Variants in SORL1 observed in about 807,000 individuals in gnomAD.
SORL1 encodes the protein sortilin-related receptor.
Under a neutral mutation model 273.7 loss-of-function variants are expected in SORL1, and 127 were observed. That is an observed-to-expected ratio of 0.46 (90% CI 0.40 to 0.54). The LOEUF (loss-of-function observed/expected upper bound fraction) is 0.54, where lower values mean the gene tolerates loss of function less well. Ranked by LOEUF, SORL1 falls within the 20% of genes least tolerant of loss-of-function variation. The probability of loss-of-function intolerance (pLI) is 0.00; values close to 1 mark genes in which losing one functional copy is unlikely to be tolerated. For synonymous variants in SORL1, 1,031 were observed against 1,067.4 expected (o/e 0.97, Z 0.66); for missense variants, 2,494 against 2,846.1 (o/e 0.88, Z 2.81).
In SORL1 at chr11:121,497,068, A is replaced by G; in HGVS notation, c.939+19A>G. Reference sequence around the variant, plus strand: ...GGTGGTGGTAAGTTGAATGTACTAAAGAATAAACTACTTTTGAGTTTCCTT... The same window carrying G: ...GGTGGTGGTAAGTTGAATGTACTAAGGAATAAACTACTTTTGAGTTTCCTT... On this transcript the variant is annotated intron_variant, in intron 6 of 47. Transcript: ENST00000260197. The G allele has an allele frequency of 6.2e-7, 1 of 1,601,968 alleles. No homozygotes were observed. The highest frequency in any genetic ancestry group is 8.5e-7 in the Non-Finnish European group (1 of 1,173,100).
At chr11:121,484,262 C>A (rs1861438473) in intron 3 of SORL1, among the ~76,000 whole-genome samples, 1 of 152,156 alleles carries the variant, frequency 6.6e-6, no homozygotes, top group South Asian at 2.1e-4. Flanking sequence ...AGAAAGGGAA[C>A]TATTGTGGCA....
At chr11:121,534,019 A>T (rs1235276191) in intron 12 of SORL1, among the ~76,000 whole-genome samples, 1 of 152,162 alleles carries the variant, frequency 6.6e-6, no homozygotes, top group Non-Finnish European at 1.5e-5. Context: ...TTTTCATTTC[A>T]CATGTTCACC....
intron 32 of SORL1, among the ~76,000 whole-genome samples, chr11:121,600,742 G>A (rs899408939): frequency 1.3e-5 from 2 of 152,166 alleles, no homozygotes; most frequent in South Asian, 2.1e-4. Flanking sequence ...TGAGATTAGT[G>A]TGGTGCGATT....
intron 37 of SORL1, 27 bp downstream of exon 37, chr11:121,607,317 T>G: frequency 1.5e-6 from 2 of 1,320,488 alleles, no homozygotes; most frequent in Non-Finnish European, 2.2e-6. Context: ...ATTCCAGCCA[T>G]CCATGCAGTC....
chr11:121,467,999 C>T (rs761532803), intron 1 of SORL1, among the ~76,000 whole-genome samples: 1 of 152,146 alleles, frequency 6.6e-6, no homozygotes, highest in African/African-American at 2.4e-5. Context: ...CAAGTAACGT[C>T]GTTAAGGATT....
chr11:121,498,586 C>T (rs1335499477), intron 6 of SORL1, among the ~76,000 whole-genome samples: 1 of 152,002 alleles, frequency 6.6e-6, no homozygotes, highest in Non-Finnish European at 1.5e-5. Flanking sequence ...TAAGTTATAT[C>T]CCAGCTGGGC....
rs1160498742 is a variant in SORL1, at chr11:121,621,050, T to A, written c.5890-14T>A. 1 of 1,568,212 alleles carries A rather than the reference T, an allele frequency of 6.4e-7. No homozygotes were observed. Among genetic ancestry groups the A allele is most frequent in the Non-Finnish European group, 8.7e-7 (1 of 1,147,496 alleles). The stretch of plus-strand genomic sequence containing the variant: ...CTTTCTGATTATCATTCACTTGTTC[T>A]TTTTTGGTCCTAGTTGTATGCAGTT... On this transcript the variant is annotated splice_polypyrimidine_tract_variant and intron_variant, in intron 43 of 47. Transcript: ENST00000260197.
intron 7 of SORL1, 98 bp from the exon 8 acceptor site, chr11:121,514,054 G>A (rs902599293): frequency 2.0e-5 from 27 of 1,344,654 alleles, no homozygotes; most frequent in African/African-American, 1.0e-4. Context: ...AACATTCATC[G>A]CTAGAACATT....
At chr11:121,544,433 C>T (rs1029828325) in intron 13 of SORL1, among the ~76,000 whole-genome samples, 7 of 152,150 alleles carry the variant, frequency 4.6e-5, no homozygotes, top group Non-Finnish European at 7.4e-5. Flanking sequence ...GTCTGTCACT[C>T]GGTGTGTTTC....
At chr11:121,538,946 G>A (rs1177463688) in intron 12 of SORL1, among the ~76,000 whole-genome samples, 1 of 152,132 alleles carries the variant, frequency 6.6e-6, no homozygotes, top group Non-Finnish European at 1.5e-5. Flanking sequence ...CAAAGTGCTG[G>A]GATTACAGGC....
rs918510627 is a variant in SORL1, at chr11:121,452,584, C to G, written c.253C>G (p.Leu85Val). ...KPLRRKRSAA[L>V]QPEPIKVYGQ... ...GCTCCGGAGGAAACGGAGCGCTGCC[C>G]TGCAGCCCGAGCCCATCAAGGTGTA... The change falls in exon 1 of 48, where the codon CTG (leucine) becomes GTG (valine). Residue 85 changes from leucine (L) to valine (V), a missense_variant. Physicochemically the swap from Leu to Val is conservative, Grantham distance 32. This residue lies in a region of SORL1 where 175 missense variants were observed against 147.1 expected (regional missense o/e 1.19). Coordinates refer to ENST00000260197, the MANE Select transcript of SORL1 (RefSeq NM_003105.6). This position sits in a 1 kb window ranked among gnomAD's most constrained non-coding sequence, Gnocchi z 5.3. 1 of 1,522,986 alleles carries G rather than the reference C, an allele frequency of 6.6e-7. No homozygotes were observed. 94.3% of individuals were successfully genotyped at this position (1,522,986 alleles called of 1,614,324 possible). A position where few individuals can be genotyped will look rare whatever the true frequency, so the allele number is the denominator to read the frequency against.
At chr11:121,511,289 T>G (rs1267537993) in intron 6 of SORL1, among the ~76,000 whole-genome samples, 2 of 152,208 alleles carry the variant, frequency 1.3e-5, no homozygotes, top group East Asian at 3.9e-4. Flanking sequence ...AATCGTTAAG[T>G]ATTTTTAACT....
rs7104457 is a variant in SORL1 at position 121,512,722 on chromosome 11, A to T, written c.940-281A>T. ...CTCTGTTGAAGTGTTGGCAGCCTCCAAAAACCTCCTCTAGTCCAAGTTCTA... is the reference window on the plus strand; with the variant it reads ...CTCTGTTGAAGTGTTGGCAGCCTCCTAAAACCTCCTCTAGTCCAAGTTCTA... On this transcript the variant is annotated intron_variant, in intron 6 of 47. Coordinates refer to ENST00000260197, the MANE Select transcript of SORL1 (RefSeq NM_003105.6). 5.9e-3 allele frequency among the ~76,000 whole-genome samples: 906 copies of T among 152,300 alleles called. 10 individuals carry two copies. The highest frequency in any genetic ancestry group is 0.021 in the African/African-American group (879 of 41,556).
At chr11:121,472,132 G>A (rs1861179813) in intron 2 of SORL1, among the ~76,000 whole-genome samples, 1 of 152,234 alleles carries the variant, frequency 6.6e-6, no homozygotes, top group Admixed American at 6.5e-5. Context: ...GTGACAGTGA[G>A]ACCCTCTCTC....
chr11:121,578,942 C>T (rs1290568123), intron 25 of SORL1, among the ~76,000 whole-genome samples: 2 of 152,204 alleles, frequency 1.3e-5, no homozygotes, highest in South Asian at 2.1e-4. Flanking sequence ...ACAGGAAACA[C>T]GTGAATGCTG....
intron 32 of SORL1, among the ~76,000 whole-genome samples, chr11:121,600,077 C>T (rs2134915026): frequency 6.6e-6 from 1 of 152,298 alleles, no homozygotes; most frequent in Non-Finnish European, 1.5e-5. Context: ...CAGAGTTACC[C>T]AGATAGCTTA....
At position 121,555,203 on chromosome 11, in the gene SORL1, G is replaced by T. The variant is rs749858429; in HGVS notation, c.2456G>T (p.Gly819Val). 6.2e-7 allele frequency: 1 copy of T among 1,613,610 alleles called. No individual in the cohort carries two copies. The highest frequency in any genetic ancestry group is 1.1e-5 in the South Asian group (1 of 91,044). ...TCTCTTAAGCGCCTCTGTTTGAATGGAAGCACAGGGCAAGAGGTGATCATC... is the reference window on the plus strand; with the variant it reads ...TCTCTTAAGCGCCTCTGTTTGAATGTAAGCACAGGGCAAGAGGTGATCATC... ...LDVIQRLCLNGSTGQEVIINS... is the reference protein window; with the variant it reads ...LDVIQRLCLNVSTGQEVIINS... Residue 819 changes from glycine (G) to valine (V), a missense_variant, in exon 18 of 48, where the codon GGA (glycine) becomes GTA (valine). Around this residue, in one of 3 missense-constraint regions of SORL1, gnomAD observed 1,609 missense variants for 1,816.4 expected, o/e 0.89. Coordinates refer to ENST00000260197, the MANE Select transcript of SORL1 (RefSeq NM_003105.6).
rs758501162 is a variant in SORL1 at position 121,559,562 on chromosome 11, G to T, written c.2954G>T (p.Arg985Leu). 1 of 1,614,108 alleles carries T rather than the reference G, an allele frequency of 6.2e-7. No homozygotes were observed. The highest frequency in any genetic ancestry group is 1.7e-5 in the Admixed American group (1 of 60,012). Residue 985 changes from arginine to leucine, a missense_variant, in exon 21 of 48, where the codon CGA (arginine) becomes CTA (leucine). Coordinates refer to ENST00000260197, the MANE Select transcript of SORL1 (RefSeq NM_003105.6). ...GACTGGTCACAGCTCAGCATATTCCGAGCTTCCAAATACAGTGGGTCCCAG... is the reference window on the plus strand; with the variant it reads ...GACTGGTCACAGCTCAGCATATTCCTAGCTTCCAAATACAGTGGGTCCCAG... ...WDDWSQLSIF[R>L]ASKYSGSQME...
Position 121,550,474 on chromosome 11 carries a change from A to G in SORL1, c.2181-111A>G, listed in dbSNP as rs114381346. 1,143 of 871,766 alleles carry G rather than the reference A, an allele frequency of 1.3e-3. 9 individuals carry two copies. The African/African-American group carries it at 0.017, about 13-fold the overall frequency. The allele number at this position is 871,766 out of a possible 1,614,324, so 54.0% of individuals were successfully genotyped here. A position where few individuals can be genotyped will look rare whatever the true frequency, so the allele number is the denominator to read the frequency against. ...ATCCTCTTTCTAGTTCTAAAGAGAAATGAGTGGATGGACTCTACTGGCCGT... is the reference window on the plus strand; with the variant it reads ...ATCCTCTTTCTAGTTCTAAAGAGAAGTGAGTGGATGGACTCTACTGGCCGT... On this transcript the variant is annotated intron_variant, in intron 15 of 47. Coordinates refer to ENST00000260197, the MANE Select transcript of SORL1 (RefSeq NM_003105.6). The surrounding 1 kb of genome is among the most constrained non-coding windows in gnomAD (Gnocchi z 5.3).
Sources: allele counts gnomAD v4.1 joint callset (sites outside exome capture counted in the v4.1 genomes callset), GRCh38; gene constraint gnomAD v4.1.1; regional missense constraint gnomAD v4.1.1; non-coding constraint Gnocchi (gnomAD v3.1); transcripts MANE v1.5; gene names NCBI Gene and HGNC (gene_info 2026-07-23, HGNC 2026-07-21).